The following BLTP1 variants were observed in gnomAD, a reference collection of about 807,000 sequenced individuals.
BLTP1 encodes fragile site-associated protein.
At chr4:122,270,113 T>C in the BLTP1 span, among the ~76,000 whole-genome samples, 50 of 152,238 alleles carry the variant, frequency 3.3e-4, no homozygotes, top group African/African-American at 1.2e-3. Context: ...TTAGTTGGCA[T>C]TGATTGTACA....
chr4:122,324,541 T>C, the BLTP1 span: 1 of 1,589,116 alleles, frequency 6.3e-7, no homozygotes, highest in Non-Finnish European at 8.6e-7. Flanking sequence ...GGCAAGGTAA[T>C]ATATATTTCA....
the BLTP1 span, chr4:122,287,583 A>T: frequency 1.0e-6 from 1 of 985,242 alleles, no homozygotes; most frequent in Non-Finnish European, 1.2e-6. Flanking sequence ...TTGCAACTTT[A>T]TGAAAAAGCA....
the BLTP1 span, chr4:122,214,616 CTTTTTTTTTTTTTTT>C: frequency 2.0e-4 from 16 of 78,472 alleles, no homozygotes; most frequent in South Asian, 5.0e-3. Flanking sequence ...TCAGTAAATT[CTTTTTTTTTTTTTTT>C]TTTTTTTTTT....
chr4:122,300,156 C>T, the BLTP1 span, among the ~76,000 whole-genome samples: 2 of 151,970 alleles, frequency 1.3e-5, no homozygotes, highest in Non-Finnish European at 2.9e-5. Context: ...TTACAGGTGC[C>T]CACCAGCACA....
the BLTP1 span, among the ~76,000 whole-genome samples, chr4:122,241,309 C>T: frequency 4.1e-4 from 63 of 152,214 alleles, no homozygotes; most frequent in Middle Eastern, 3.4e-3. Flanking sequence ...GAGAGACTTG[C>T]TCGTAATGAG....
chr4:122,324,436 C>T, the BLTP1 span: 3 of 1,609,114 alleles, frequency 1.9e-6, no homozygotes, highest in Non-Finnish European at 2.5e-6. Flanking sequence ...GGCTGCTTCC[C>T]TAAAGGATAA....
the BLTP1 span, chr4:122,339,334 C>G: frequency 6.2e-7 from 1 of 1,613,534 alleles, no homozygotes; most frequent in Admixed American, 1.7e-5. Flanking sequence ...ACATATCCTG[C>G]AGAGACTTTA....
chr4:122,161,261 A>T, the BLTP1 span: 14 of 295,348 alleles, frequency 4.7e-5, no homozygotes, highest in East Asian at 1.7e-4. Context: ...GTACGATTAA[A>T]TTTTTTTTTT....
chr4:122,181,229 T>C, the BLTP1 span: 1 of 921,418 alleles, frequency 1.1e-6, no homozygotes, highest in East Asian at 1.2e-4. Context: ...GATAAACAAA[T>C]TAGATGCGTT....
the BLTP1 span, chr4:122,168,012 C>T: frequency 3.9e-6 from 2 of 517,244 alleles, no homozygotes; most frequent in South Asian, 8.4e-5. Context: ...TGTTTGGATT[C>T]TGTGTCTAGT....
chr4:122,223,314 G>A, the BLTP1 span, among the ~76,000 whole-genome samples: 1 of 152,136 alleles, frequency 6.6e-6, no homozygotes, highest in South Asian at 2.1e-4. Context: ...CTGTGAGATA[G>A]CCTAGACATA....
At chr4:122,313,839 T>C in the BLTP1 span, 7 of 382,498 alleles carry the variant, frequency 1.8e-5, no homozygotes, top group Non-Finnish European at 3.1e-5. Flanking sequence ...TAACAATTAT[T>C]AATCAGACAC....
chr4:122,167,814 C>CG, the BLTP1 span: 3 of 985,418 alleles, frequency 3.0e-6, no homozygotes, highest in East Asian at 3.4e-4. Flanking sequence ...ATGCTTTACT[C>CG]TGCTTCACCT....
the BLTP1 span, chr4:122,187,517 G>A: frequency 1.2e-6 from 2 of 1,609,030 alleles, no homozygotes. Context: ...AGCACAGTAA[G>A]TAAATTCTGC....
At chr4:122,192,653 TTTTTC>T in the BLTP1 span, among the ~76,000 whole-genome samples, 3 of 152,096 alleles carry the variant, frequency 2.0e-5, no homozygotes, top group Non-Finnish European at 4.4e-5. Context: ...GGTTCATTTT[TTTTTC>T]TTTTGGATTT....
At chr4:122,166,411 C>G in the BLTP1 span, among the ~76,000 whole-genome samples, 1 of 152,156 alleles carries the variant, frequency 6.6e-6, no homozygotes. Flanking sequence ...TCTGAGGGCT[C>G]TGTTCCGTTC....
the BLTP1 span, among the ~76,000 whole-genome samples, chr4:122,341,089 C>G: frequency 3.9e-5 from 6 of 151,992 alleles, no homozygotes; most frequent in Non-Finnish European, 7.4e-5. Context: ...ACTTGAGATT[C>G]TGTGGGTTAT....
At chr4:122,300,011 ATTT>A in the BLTP1 span, 1 of 866,154 alleles carries the variant, frequency 1.2e-6, no homozygotes, top group African/African-American at 1.8e-5. Flanking sequence ...ACAAATATAT[ATTT>A]TTTTATTTTG....
At chr4:122,211,905 A>G in the BLTP1 span, 607 of 159,128 alleles carry the variant, frequency 3.8e-3, 2 homozygotes, top group African/African-American at 0.013. Context: ...AACTACTATA[A>G]TCCTTGCTGA....
Sources: gnomAD v4.1 joint callset for allele counts (sites outside exome capture counted in the v4.1 genomes callset) on GRCh38, gnomAD v4.1.1 for gene constraint, MANE v1.5 for transcripts, NCBI Gene and HGNC (gene_info 2026-07-23, HGNC 2026-07-21) for gene names.